Variants in CNBD2 observed in about 807,000 individuals in gnomAD.
CNBD2 encodes cyclic nucleotide-binding domain-containing protein 2.
In CNBD2, 64 loss-of-function variants were observed where a neutral mutation model predicts 63.7. The observed-to-expected ratio is 1.00, with a 90% CI of 0.82 to 1.24. The LOEUF is 1.24. CNBD2 is among the 50% of genes most tolerant of loss of function. The probability of loss-of-function intolerance (pLI) is 0.00; values close to 1 mark genes in which losing one functional copy is unlikely to be tolerated. For missense variants in CNBD2, 691 were observed against 713.5 expected, an observed-to-expected ratio of 0.97 and a Z score of 0.36; for synonymous variants, 229 against 255.4, an observed-to-expected ratio of 0.90 and a Z score of 0.99.
rs375801238 is a variant in CNBD2 at position 35,984,098 on chromosome 20, A to T, written c.524A>T (p.Asp175Val). The T allele has an allele frequency of 9.3e-6, 15 of 1,613,104 alleles. No homozygotes were observed. In the East Asian group the frequency reaches 2.9e-4, roughly 31 times the overall value. ...GAGGATGGCAGCAGTGCCTTCCTAG[A>T]TCCCCACCCGAAATTGCTGCACAAG... ...KDEDGSSAFL[D>V]PHPKLLHKGS... Residue 175 changes from aspartate (D) to valine (V), a missense_variant, in exon 5 of 12, where the codon GAT becomes GTT. Asp to Val is a radical substitution (Grantham distance 152). Transcript: ENST00000373973.
intron 8 of CNBD2, among the ~76,000 whole-genome samples, chr20:36,008,033 A>T (rs2057007450): frequency 6.6e-6 from 1 of 152,130 alleles, no homozygotes; most frequent in Admixed American, 6.6e-5. Flanking sequence ...GGGTGACTTG[A>T]GCTCTCTGCT....
Position 35,968,768 on chromosome 20 carries a change from G to C in CNBD2, c.6G>C (p.Arg2Ser). The C allele has an allele frequency of 6.2e-7, 1 of 1,608,554 alleles. No homozygotes were observed. The highest frequency in any genetic ancestry group is 8.5e-7 in the Non-Finnish European group (1 of 1,178,056). The change falls in exon 1 of 12, where the codon AGG (arginine) becomes AGC (serine). Residue 2 changes from arginine to serine, a missense_variant. Physicochemically the swap from Arg to Ser is moderately radical, Grantham distance 110. Transcript: ENST00000373973. M[R>S]RHMVTYAWQL... is the part of the protein sequence containing the mutation. Reference sequence around the variant, plus strand: ...CATTTGCCTGCACAGGAACCATGAGGAGACATATGGTAACTTATGCCTGGC... The same window carrying C: ...CATTTGCCTGCACAGGAACCATGAGCAGACATATGGTAACTTATGCCTGGC...
At chr20:35,969,099 A>C (rs2056376955) in intron 1 of CNBD2, among the ~76,000 whole-genome samples, 3 of 152,184 alleles carry the variant, frequency 2.0e-5, no homozygotes. Context: ...GAGTCAGGGT[A>C]GCAACATTGA....
At chr20:35,987,990 C>T (rs1347732246) in intron 7 of CNBD2, among the ~76,000 whole-genome samples, 1 of 152,172 alleles carries the variant, frequency 6.6e-6, no homozygotes, top group African/African-American at 2.4e-5. Flanking sequence ...CTGCCTCACC[C>T]TCCTGAGTAG....
intron 6 of CNBD2, among the ~76,000 whole-genome samples, chr20:35,985,008 C>T (rs1385130328): frequency 1.3e-5 from 2 of 151,852 alleles, no homozygotes; most frequent in Non-Finnish European, 1.5e-5. Flanking sequence ...ATAGCTAACA[C>T]GGGACTGGGC....
At chr20:35,996,125 A>G (rs145262354) in intron 8 of CNBD2, among the ~76,000 whole-genome samples, 197 of 152,342 alleles carry the variant, frequency 1.3e-3, no homozygotes, top group African/African-American at 4.7e-3. Flanking sequence ...GTACCCTTCA[A>G]GTACCATTCA....
intron 2 of CNBD2, among the ~76,000 whole-genome samples, chr20:35,975,163 G>A (rs796694720): frequency 0.028 from 3,531 of 125,742 alleles, 170 homozygotes; most frequent in African/African-American, 0.11. Flanking sequence ...TACCACGCCC[G>A]GCTAATTTTT....
At chr20:35,990,102 T>C (rs2147259809) in intron 7 of CNBD2, among the ~76,000 whole-genome samples, 1 of 152,328 alleles carries the variant, frequency 6.6e-6, no homozygotes, top group East Asian at 1.9e-4. Context: ...TGTGAGCATC[T>C]CTTCCCCACT....
At chr20:36,015,675 C>T (rs1020758020) in intron 10 of CNBD2, among the ~76,000 whole-genome samples, 7 of 152,014 alleles carry the variant, frequency 4.6e-5, no homozygotes, top group Non-Finnish European at 5.9e-5. Flanking sequence ...AAAGATCTCC[C>T]AATGGTCAAA....
chr20:36,021,154 C>T (rs553984301), intron 10 of CNBD2, among the ~76,000 whole-genome samples: 3 of 152,266 alleles, frequency 2.0e-5, no homozygotes, highest in South Asian at 4.1e-4. Context: ...TGGAATCAAT[C>T]TAAGTGTCCG....
chr20:35,997,882 G>T (rs190143305), intron 8 of CNBD2, among the ~76,000 whole-genome samples: 18 of 152,028 alleles, frequency 1.2e-4, no homozygotes, highest in Admixed American at 1.2e-3. Flanking sequence ...CACAAATTTT[G>T]ATATGTTGTA....
Position 36,030,502 on chromosome 20 carries a change from T to A in CNBD2, c.1585T>A (p.Ser529Thr), listed in dbSNP as rs1330364144. 1 of 1,614,090 alleles carries A rather than the reference T, an allele frequency of 6.2e-7. No individual in the cohort carries two copies. The highest frequency in any genetic ancestry group is 1.1e-5 in the South Asian group (1 of 91,072). The change falls in exon 12 of 12, where the codon TCT (serine) becomes ACT (threonine). Residue 529 changes from serine (S) to threonine (T), a missense_variant. Physicochemically the swap from Ser to Thr is moderately conservative, Grantham distance 58. Coordinates refer to ENST00000373973, the MANE Select transcript of CNBD2 (RefSeq NM_001365709.1). Reference protein sequence around the residue: ...PKKREIYNPKSVVLDLCSINK... With the variant: ...PKKREIYNPKTVVLDLCSINK... The stretch of plus-strand genomic sequence containing the variant: ...GAAGAGAGAGATCTACAACCCTAAG[T>A]CTGTGGTCCTGGATTTGTGCAGCAT...
upstream of CNBD2, chr20:35,954,428 C>A (rs759356596): frequency 5.2e-6 from 8 of 1,550,246 alleles, no homozygotes; most frequent in African/African-American, 9.6e-5. Context: ...CGGGACCGGC[C>A]GAGAGTGTGC....
chr20:35,983,490 G>A (rs1354063327), intron 4 of CNBD2, among the ~76,000 whole-genome samples: 2 of 152,116 alleles, frequency 1.3e-5, no homozygotes. Context: ...ACCATTATCT[G>A]TGTCTCATTC....
At chr20:35,977,585 C>T (rs753370027) in intron 3 of CNBD2, among the ~76,000 whole-genome samples, 5 of 152,082 alleles carry the variant, frequency 3.3e-5, no homozygotes, top group Non-Finnish European at 5.9e-5. Context: ...GGCTGAGGTG[C>T]GAGGATTGCT....
intron 11 of CNBD2, among the ~76,000 whole-genome samples, chr20:36,029,784 GT>G (rs1225594425): frequency 6.6e-6 from 1 of 152,182 alleles, no homozygotes; most frequent in African/African-American, 2.4e-5. Flanking sequence ...GAGAGTACAG[GT>G]GAGTTAGTTG....
intron 10 of CNBD2, among the ~76,000 whole-genome samples, chr20:36,021,940 T>A (rs930839026): frequency 3.8e-4 from 29 of 76,408 alleles, no homozygotes; most frequent in Non-Finnish European, 5.5e-4. Flanking sequence ...AACAGAGGCC[T>A]GCAGGAAAGT....
At chr20:35,997,117 C>G (rs183393657) in intron 8 of CNBD2, among the ~76,000 whole-genome samples, 2 of 151,904 alleles carry the variant, frequency 1.3e-5, no homozygotes, top group East Asian at 3.9e-4. Flanking sequence ...TTATTTTTTT[C>G]CCCTTCCATC....
intron 2 of CNBD2, among the ~76,000 whole-genome samples, chr20:35,960,471 C>T (rs2056297130): frequency 6.6e-6 from 1 of 152,212 alleles, no homozygotes; most frequent in South Asian, 2.1e-4. Flanking sequence ...TTGTGAGTAG[C>T]TGGGACCACA....
Sources: gnomAD v4.1 joint callset for allele counts (sites outside exome capture counted in the v4.1 genomes callset) on GRCh38, gnomAD v4.1.1 for gene constraint, MANE v1.5 for transcripts, NCBI Gene and HGNC (gene_info 2026-07-23, HGNC 2026-07-21) for gene names.